The following CCDC192 variants were observed in gnomAD, a reference collection of about 807,000 sequenced individuals.
The protein encoded by CCDC192 is coiled-coil domain-containing protein 192.
At chr5:127,804,628 T>G (rs1211653563) in intron 5 of CCDC192, among the ~76,000 whole-genome samples, 2 of 152,190 alleles carry the variant, frequency 1.3e-5, no homozygotes, top group African/African-American at 4.8e-5. Context: ...CAGAATCAGT[T>G]GTTTATAACT....
intron 5 of CCDC192, among the ~76,000 whole-genome samples, chr5:127,816,468 T>C (rs1162073077): frequency 6.6e-6 from 1 of 152,134 alleles, no homozygotes; most frequent in Non-Finnish European, 1.5e-5. Flanking sequence ...AGAATAGGTA[T>C]TAAGTGAAGG....
chr5:127,822,719 G>T (rs1749347237), intron 5 of CCDC192, among the ~76,000 whole-genome samples: 1 of 152,142 alleles, frequency 6.6e-6, no homozygotes, highest in Non-Finnish European at 1.5e-5. Flanking sequence ...GAAGGACAAA[G>T]ATCATTCCTT....
chr5:127,822,813 G>A (rs954154404), intron 5 of CCDC192, among the ~76,000 whole-genome samples: 2 of 152,182 alleles, frequency 1.3e-5, no homozygotes, highest in Non-Finnish European at 2.9e-5. Flanking sequence ...GCCCTCAAGC[G>A]TGAAGTGCTG....
chr5:127,908,210 T>C (rs1466205019), intron 6 of CCDC192, among the ~76,000 whole-genome samples: 2 of 152,190 alleles, frequency 1.3e-5, no homozygotes, highest in Non-Finnish European at 2.9e-5. Context: ...TGTTTCCAGA[T>C]AGATGATTAT....
At chr5:127,922,035 A>G (rs1004642057) in intron 6 of CCDC192, among the ~76,000 whole-genome samples, 4 of 152,226 alleles carry the variant, frequency 2.6e-5, no homozygotes, top group African/African-American at 9.6e-5. Context: ...TTGGACCTCA[A>G]CGAATTGGAT....
intron 3 of CCDC192, among the ~76,000 whole-genome samples, chr5:127,775,270 G>A (rs796146211): frequency 6.6e-6 from 1 of 152,194 alleles, no homozygotes; most frequent in African/African-American, 2.4e-5. Context: ...TCAAGCTCAG[G>A]GCCACAGTTC....
intron 3 of CCDC192, among the ~76,000 whole-genome samples, chr5:127,795,354 G>A (rs1208913973): frequency 6.6e-6 from 1 of 150,934 alleles, no homozygotes; most frequent in Non-Finnish European, 1.5e-5. Flanking sequence ...AACACCTACT[G>A]TGAGCTAGAA....
At chr5:127,812,405 G>C (rs188566103) in intron 5 of CCDC192, among the ~76,000 whole-genome samples, 59 of 152,282 alleles carry the variant, frequency 3.9e-4, no homozygotes, top group Admixed American at 3.3e-3. Context: ...GTGAAGAGCT[G>C]AAAGTGGTCC....
chr5:127,769,013 T>C (rs531380876), intron 3 of CCDC192, among the ~76,000 whole-genome samples: 1 of 152,364 alleles, frequency 6.6e-6, no homozygotes, highest in East Asian at 1.9e-4. Context: ...CTCTGTAGCA[T>C]GAGCTCTACA....
intron 2 of CCDC192, among the ~76,000 whole-genome samples, chr5:127,724,731 C>T (rs1332442380): frequency 1.3e-5 from 2 of 151,918 alleles, no homozygotes; most frequent in Non-Finnish European, 2.9e-5. Context: ...CGCCTGTAGT[C>T]CCAGCTACCT....
intron 6 of CCDC192, among the ~76,000 whole-genome samples, chr5:127,901,866 A>G (rs887430887): frequency 6.6e-6 from 1 of 152,252 alleles, no homozygotes. Flanking sequence ...CTTTAATAAG[A>G]TCTTTTAAAT....
intron 2 of CCDC192, among the ~76,000 whole-genome samples, chr5:127,718,528 G>A (rs1318684828): frequency 6.6e-6 from 1 of 152,174 alleles, no homozygotes; most frequent in African/African-American, 2.4e-5. Flanking sequence ...CTCTATGAGG[G>A]TGTTGAGGAG....
intron 2 of CCDC192, among the ~76,000 whole-genome samples, chr5:127,712,153 T>C (rs890213845): frequency 1.3e-5 from 2 of 152,234 alleles, no homozygotes; most frequent in African/African-American, 4.8e-5. Flanking sequence ...TTTTGAAATT[T>C]ATCCATGTTG....
chr5:127,893,004 G>C (rs1046472058), intron 6 of CCDC192, among the ~76,000 whole-genome samples: 20 of 152,138 alleles, frequency 1.3e-4, no homozygotes, highest in African/African-American at 4.8e-4. Flanking sequence ...GCCAGGATCG[G>C]AGATATCTGA....
intron 5 of CCDC192, among the ~76,000 whole-genome samples, chr5:127,829,991 A>G (rs573759588): frequency 6.6e-6 from 1 of 152,354 alleles, no homozygotes; most frequent in Admixed American, 6.5e-5. Context: ...GAAAAATAAA[A>G]CATGAACTCA....
In CCDC192 at chr5:127,754,262, T is replaced by G; in HGVS notation, c.115-6T>G. ...AAAGTAATACTTGATTTTTTTTTTT[T>G]TAAAGAAAGCGTCCCTGGATACTGG... On this transcript the variant is annotated splice_polypyrimidine_tract_variant and splice_region_variant and intron_variant, in intron 2 of 6. Transcript: ENST00000514853. 1.3e-5 allele frequency: 5 copies of G among 398,700 alleles called. No individual in the cohort carries two copies. Among genetic ancestry groups the G allele is most frequent in the Non-Finnish European group, 1.8e-5 (4 of 225,946 alleles). 24.7% of individuals were successfully genotyped at this position (398,700 alleles called of 1,614,324 possible). A position where few individuals can be genotyped will look rare whatever the true frequency, so the allele number is the denominator to read the frequency against.
intron 3 of CCDC192, among the ~76,000 whole-genome samples, chr5:127,773,185 T>A (rs999248301): frequency 6.6e-6 from 1 of 152,228 alleles, no homozygotes; most frequent in Non-Finnish European, 1.5e-5. Context: ...GAATCCAATT[T>A]TGTGATGTTT....
chr5:127,929,036 A>G (rs1442596129), intron 6 of CCDC192, among the ~76,000 whole-genome samples: 2 of 152,110 alleles, frequency 1.3e-5, no homozygotes, highest in African/African-American at 2.4e-5. Flanking sequence ...AAGTGTTGGG[A>G]TTACAGGCAT....
chr5:127,857,775 T>A (rs1043915300), intron 5 of CCDC192: 1 of 152,198 alleles, frequency 6.6e-6, no homozygotes, highest in African/African-American at 2.4e-5. Flanking sequence ...GAGGCATGAT[T>A]GCTTCTTCTT....
Sources: allele counts gnomAD v4.1 joint callset (sites outside exome capture counted in the v4.1 genomes callset), GRCh38; gene constraint gnomAD v4.1.1; transcripts MANE v1.5; gene names NCBI Gene and HGNC (gene_info 2026-07-23, HGNC 2026-07-21).